The following SCAPER variants were observed in gnomAD, a reference collection of about 807,000 sequenced individuals.
SCAPER encodes the protein S phase cyclin A-associated protein in the endoplasmic reticulum.
In SCAPER, 98 loss-of-function variants were observed where a neutral mutation model predicts 182.2. That is an observed-to-expected ratio of 0.54 (90% CI 0.46 to 0.64). SCAPER has a LOEUF of 0.64. SCAPER is among the 30% of genes least tolerant of loss of function. SCAPER has a pLI of 0.00. For missense variants in SCAPER, 1,432 were observed against 1,690.0 expected (o/e 0.85, Z 2.68); for synonymous variants, 605 against 564.6 (o/e 1.07, Z -1.01).
intron 5 of SCAPER, among the ~76,000 whole-genome samples, chr15:76,834,533 G>A (rs983549836): frequency 6.6e-6 from 1 of 151,966 alleles, no homozygotes; most frequent in African/African-American, 2.4e-5. Context: ...GACGGGCAAG[G>A]ATACTCACCA....
intron 23 of SCAPER, among the ~76,000 whole-genome samples, chr15:76,560,422 C>T (rs2046527877): frequency 6.6e-6 from 1 of 150,484 alleles, no homozygotes; most frequent in African/African-American, 2.4e-5. Flanking sequence ...TGACTGCCTA[C>T]TGATTGCAAT....
chr15:76,453,641 T>G (rs1479480497), intron 25 of SCAPER, among the ~76,000 whole-genome samples: 1 of 152,186 alleles, frequency 6.6e-6, no homozygotes, highest in Non-Finnish European at 1.5e-5. Flanking sequence ...CTTTGATCAT[T>G]TGGTAAGGTG....
At chr15:76,761,452 A>C (rs967944342) in intron 14 of SCAPER, among the ~76,000 whole-genome samples, 7 of 152,200 alleles carry the variant, frequency 4.6e-5, no homozygotes, top group Admixed American at 1.3e-4. Flanking sequence ...AACTTCCCTC[A>C]GAGTCTTGTT....
At chr15:76,442,782 C>G (rs917511921) in intron 25 of SCAPER, among the ~76,000 whole-genome samples, 4 of 152,180 alleles carry the variant, frequency 2.6e-5, no homozygotes, top group African/African-American at 7.2e-5. Context: ...AAACATCTGA[C>G]TCCATGTTAG....
At chr15:76,651,379 TA>T (rs749853455) in intron 21 of SCAPER, among the ~76,000 whole-genome samples, 17 of 152,142 alleles carry the variant, frequency 1.1e-4, no homozygotes, top group Non-Finnish European at 2.1e-4. Flanking sequence ...ACAATCTTCC[TA>T]ACTCAATGCA....
chr15:76,652,353 CA>C, intron 21 of SCAPER, among the ~76,000 whole-genome samples: 1 of 30,012 alleles, frequency 3.3e-5, no homozygotes, highest in Non-Finnish European at 5.8e-5. Flanking sequence ...TACACACACA[CA>C]CACACACACA....
At position 76,765,360 on chromosome 15, in the gene SCAPER, T is replaced by C; in HGVS notation, c.1590A>G (p.Lys530=). The C allele has an allele frequency of 1.2e-6, 2 of 1,613,270 alleles. No individual in the cohort carries two copies. The highest frequency in any genetic ancestry group is 1.7e-6 in the Non-Finnish European group (2 of 1,179,624). ...PPGHGIHMHE[K]LSSPSRKRTI... Reference sequence around the variant, plus strand: ...ACCTTTTACGAGAGGGTGAAGAAAGTTTTTCATGCATGTGAATTCCATGCC... The same window carrying C: ...ACCTTTTACGAGAGGGTGAAGAAAGCTTTTCATGCATGTGAATTCCATGCC... The change falls in exon 13 of 32, where the codon AAA becomes AAG. Residue 530 remains lysine (K), a synonymous_variant. Coordinates refer to ENST00000563290, the MANE Select transcript of SCAPER (RefSeq NM_020843.4).
intron 27 of SCAPER, among the ~76,000 whole-genome samples, chr15:76,401,215 G>A (rs1305192098): frequency 1.3e-5 from 2 of 152,004 alleles, no homozygotes; most frequent in Non-Finnish European, 2.9e-5. Flanking sequence ...TTTCCACTCT[G>A]AAGAACTGTT....
At chr15:76,643,785 T>A (rs2054307414) in intron 21 of SCAPER, among the ~76,000 whole-genome samples, 2 of 152,348 alleles carry the variant, frequency 1.3e-5, no homozygotes, top group South Asian at 4.1e-4. Context: ...CTCCTAACTA[T>A]AAGAGTTCAT....
At chr15:76,876,103 C>T (rs951990631) in intron 2 of SCAPER, among the ~76,000 whole-genome samples, 9 of 152,130 alleles carry the variant, frequency 5.9e-5, no homozygotes, top group African/African-American at 2.2e-4. Flanking sequence ...GGGGCCACTC[C>T]GAGTACAGGA....
At chr15:76,488,324 T>C (rs548142318) in intron 24 of SCAPER, among the ~76,000 whole-genome samples, 6 of 152,280 alleles carry the variant, frequency 3.9e-5, no homozygotes, top group East Asian at 1.9e-4. Context: ...TACAATTATA[T>C]AGAATATCTA....
At chr15:76,786,610 T>C (rs1336715058) in intron 8 of SCAPER, among the ~76,000 whole-genome samples, 1 of 152,124 alleles carries the variant, frequency 6.6e-6, no homozygotes, top group Non-Finnish European at 1.5e-5. Context: ...CCATGCTTAT[T>C]CAATAGCTTG....
intron 29 of SCAPER, among the ~76,000 whole-genome samples, chr15:76,367,330 G>A (rs2041879248): frequency 6.6e-6 from 1 of 152,232 alleles, no homozygotes; most frequent in South Asian, 2.1e-4. Context: ...GGTGTTCCCT[G>A]TGATTACAGC....
chr15:76,408,033 C>T (rs796678193), intron 26 of SCAPER, among the ~76,000 whole-genome samples: 5 of 152,204 alleles, frequency 3.3e-5, no homozygotes, highest in African/African-American at 9.6e-5. Context: ...TTCTTAATAT[C>T]ATCAAATAAC....
chr15:76,578,086 G>A (rs1023254644), intron 22 of SCAPER, among the ~76,000 whole-genome samples: 11 of 152,098 alleles, frequency 7.2e-5, no homozygotes, highest in African/African-American at 2.4e-4. Flanking sequence ...TAGGCCTGGG[G>A]TGGTGGTGGC....
At chr15:76,537,873 A>G (rs2077632131) in intron 23 of SCAPER, among the ~76,000 whole-genome samples, 2 of 152,086 alleles carry the variant, frequency 1.3e-5, no homozygotes, top group African/African-American at 4.8e-5. Flanking sequence ...AATTTACGAG[A>G]AAAAAAACAA....
chr15:76,390,480 T>C (rs2043612791), intron 27 of SCAPER, among the ~76,000 whole-genome samples: 1 of 151,364 alleles, frequency 6.6e-6, no homozygotes, highest in South Asian at 2.1e-4. Flanking sequence ...AGTGGAAGAG[T>C]AAAGAGGTGA....
chr15:76,499,545 A>T (rs563079980), intron 24 of SCAPER, among the ~76,000 whole-genome samples: 1 of 152,338 alleles, frequency 6.6e-6, no homozygotes, highest in South Asian at 2.1e-4. Flanking sequence ...ATTGACTATG[A>T]TGTCCTATGA....
chr15:76,895,848 G>A (rs898493347), intron 1 of SCAPER, among the ~76,000 whole-genome samples: 2 of 152,000 alleles, frequency 1.3e-5, no homozygotes, highest in Non-Finnish European at 2.9e-5. Flanking sequence ...AGACCATCCT[G>A]GCTGACACAG....
Sources: allele counts gnomAD v4.1 joint callset (sites outside exome capture counted in the v4.1 genomes callset), GRCh38; gene constraint gnomAD v4.1.1; transcripts MANE v1.5; gene names NCBI Gene and HGNC (gene_info 2026-07-23, HGNC 2026-07-21).